The following KLHL3 variants were observed in gnomAD, a reference collection of about 807,000 sequenced individuals.
KLHL3 encodes kelch like family member 3.
KLHL3 carries 19 observed loss-of-function variants against 70.5 expected under a neutral mutation model. That is an observed-to-expected ratio of 0.27 (90% CI 0.19 to 0.40). The LOEUF (loss-of-function observed/expected upper bound fraction) is 0.40. Ranked by LOEUF, KLHL3 falls within the 10% of genes least tolerant of loss-of-function variation. KLHL3 has a pLI of 1.00. For synonymous variants in KLHL3, 258 were observed against 290.3 expected, an observed-to-expected ratio of 0.89 and a Z score of 1.13; for missense variants, 512 against 771.1, an observed-to-expected ratio of 0.66 and a Z score of 3.98.
chr5:137,638,504 A>C (rs955492384), intron 10 of KLHL3, among the ~76,000 whole-genome samples: 1 of 152,200 alleles, frequency 6.6e-6, no homozygotes. Flanking sequence ...AAAGCCTGGC[A>C]AAGCTTCAGT....
intron 10 of KLHL3, 34 bp downstream of exon 10, chr5:137,638,919 G>A (rs1187858227): frequency 6.3e-7 from 1 of 1,593,982 alleles, no homozygotes; most frequent in South Asian, 1.1e-5. Context: ...TGTGTCCCAG[G>A]CTAGGAGGGG....
At position 137,620,196 on chromosome 5, in the gene KLHL3, T is replaced by C. The variant is rs1328576662; in HGVS notation, c.*1902A>G. 9 of 152,264 alleles carry C rather than the reference T, an allele frequency of 5.9e-5. No individual in the cohort carries two copies. Among genetic ancestry groups the C allele is most frequent in the Non-Finnish European group, 1.2e-4 (8 of 68,052 alleles). 9.4% of individuals were successfully genotyped at this position (152,264 alleles called of 1,614,324 possible). On this transcript the variant is annotated 3_prime_UTR_variant, in exon 15 of 15. Transcript: ENST00000309755. ...TTCTTCCAGGTCCCCCAAAGCTGGA[T>C]ATTTTAGCCTCTTCTGAAGGCTTCT...
chr5:137,724,948 G>T, intron 1 of KLHL3: 1 of 584,652 alleles, frequency 1.7e-6, no homozygotes, highest in Non-Finnish European at 2.2e-6. Flanking sequence ...TATAGTGCAT[G>T]CATGTACATA....
rs1750251783 is a variant in KLHL3 at position 137,620,350 on chromosome 5, C to T, written c.*1748G>A. 1 of 152,212 alleles carries T rather than the reference C, an allele frequency of 6.6e-6. No homozygotes were observed. The highest frequency in any genetic ancestry group is 1.9e-4 in the East Asian group (1 of 5,204). 9.4% of individuals were successfully genotyped at this position (152,212 alleles called of 1,614,324 possible). ...GCACAATAAATATACAGTAAATACA[C>T]AAAGTGGCTCACTGGCTGGGAAGAC... On this transcript the variant is annotated 3_prime_UTR_variant, in exon 15 of 15. Coordinates refer to ENST00000309755, the MANE Select transcript of KLHL3 (RefSeq NM_017415.3).
At chr5:137,669,574 T>C (rs73790023) in intron 6 of KLHL3, among the ~76,000 whole-genome samples, 124 of 152,316 alleles carry the variant, frequency 8.1e-4, no homozygotes, top group African/African-American at 2.8e-3. Context: ...ACTTTCACTA[T>C]GAGTCCACAA....
chr5:137,702,344 A>G (rs1752588117), intron 3 of KLHL3, among the ~76,000 whole-genome samples: 1 of 152,230 alleles, frequency 6.6e-6, no homozygotes, highest in Admixed American at 6.5e-5. Flanking sequence ...TGGAGGAGTC[A>G]TAGTTATTCA....
chr5:137,676,823 T>C (rs903022763), intron 6 of KLHL3, among the ~76,000 whole-genome samples: 6 of 152,234 alleles, frequency 3.9e-5, no homozygotes, highest in Admixed American at 2.6e-4. Flanking sequence ...ATTTTCACTA[T>C]AGTAGACTAC....
intron 14 of KLHL3, among the ~76,000 whole-genome samples, chr5:137,624,581 G>A (rs1750407846): frequency 2.0e-5 from 3 of 152,214 alleles, no homozygotes; most frequent in Admixed American, 2.0e-4. Flanking sequence ...AATTTGCACA[G>A]CACAATCTTC....
intron 5 of KLHL3, among the ~76,000 whole-genome samples, chr5:137,685,406 A>G (rs1349051574): frequency 6.6e-6 from 1 of 152,252 alleles, no homozygotes; most frequent in African/African-American, 2.4e-5. Context: ...CAAGATTTGT[A>G]TTGTCAAACA....
At chr5:137,720,157 G>A (rs1289365635) in intron 2 of KLHL3, among the ~76,000 whole-genome samples, 1 of 152,058 alleles carries the variant, frequency 6.6e-6, no homozygotes, top group African/African-American at 2.4e-5. Context: ...AAAATTAGCT[G>A]GGCGTGGTGG....
At chr5:137,675,508 C>T (rs1283948723) in intron 6 of KLHL3, among the ~76,000 whole-genome samples, 2 of 152,114 alleles carry the variant, frequency 1.3e-5, no homozygotes, top group African/African-American at 4.8e-5. Context: ...CTCATGACAA[C>T]TCTATAGAGG....
chr5:137,621,834 C>T lies in KLHL3; in HGVS notation c.*264G>A, dbSNP rs1245553605. 3.6e-6 allele frequency: 2 copies of T among 552,700 alleles called. No individual in the cohort carries two copies. Among genetic ancestry groups the T allele is most frequent in the Non-Finnish European group, 6.5e-6 (2 of 307,998 alleles). 34.2% of individuals were successfully genotyped at this position (552,700 alleles called of 1,614,324 possible). On this transcript the variant is annotated 3_prime_UTR_variant, in exon 15 of 15. Coordinates refer to ENST00000309755, the MANE Select transcript of KLHL3 (RefSeq NM_017415.3). ...GGTCTGTATTGTCCCTGTAGAAACA[C>T]CAAAACAAAGCCCAAAGGTGCTGCC...
rs770959938 is a variant in KLHL3, at chr5:137,638,993, A to G, written c.1179T>C (p.Asn393=). ...RRSTLGAAVL[N]DLLYAVGGFD... is the part of the protein sequence containing the mutation. ...AGCCTCCCACTGCGTAGAGCAAGTC[A>G]TTGAGCACCGCTGCGCCCAGTGTGC... is the stretch of plus-strand genomic sequence containing the variant. The change falls in exon 10 of 15, where the codon AAT becomes AAC. Residue 393 remains asparagine (N), a synonymous_variant. Transcript: ENST00000309755. 2 of 1,614,226 alleles carry G rather than the reference A, an allele frequency of 1.2e-6. No individual in the cohort carries two copies. The highest frequency in any genetic ancestry group is 4.5e-5 in the East Asian group (2 of 44,882).
chr5:137,658,797 T>C (rs777463862), intron 7 of KLHL3, among the ~76,000 whole-genome samples: 1 of 152,174 alleles, frequency 6.6e-6, no homozygotes, highest in Non-Finnish European at 1.5e-5. Flanking sequence ...ATATTCGTTG[T>C]CTTATAGTGA....
At chr5:137,630,462 C>A (rs1750605681) in intron 12 of KLHL3, among the ~76,000 whole-genome samples, 1 of 152,088 alleles carries the variant, frequency 6.6e-6, no homozygotes, top group Non-Finnish European at 1.5e-5. Flanking sequence ...GTCTGCCCTC[C>A]AACTTCGTGC....
chr5:137,726,910 A>C (rs1753094033), intron 1 of KLHL3, among the ~76,000 whole-genome samples: 1 of 152,138 alleles, frequency 6.6e-6, no homozygotes, highest in African/African-American at 2.4e-5. Flanking sequence ...TAAAATATAC[A>C]TAAAATAGTA....
chr5:137,655,134 A>G (rs1751306014), intron 8 of KLHL3, among the ~76,000 whole-genome samples: 1 of 152,254 alleles, frequency 6.6e-6, no homozygotes, highest in African/African-American at 2.4e-5. Context: ...ATAGAGGATG[A>G]GAACCAATTT....
intron 5 of KLHL3, among the ~76,000 whole-genome samples, chr5:137,691,070 C>T (rs879794356): frequency 8.5e-5 from 13 of 152,176 alleles, no homozygotes; most frequent in Middle Eastern, 3.2e-3. Context: ...TTCATTTCTA[C>T]TCCCTCCCAA....
At chr5:137,649,440 C>A (rs1415225552) in intron 8 of KLHL3, among the ~76,000 whole-genome samples, 1 of 152,192 alleles carries the variant, frequency 6.6e-6, no homozygotes, top group African/African-American at 2.4e-5. Context: ...AAGAAACAGG[C>A]CTGCCAGCAA....
Sources: gnomAD v4.1 joint callset for allele counts (sites outside exome capture counted in the v4.1 genomes callset) on GRCh38, gnomAD v4.1.1 for gene constraint, MANE v1.5 for transcripts, NCBI Gene and HGNC (gene_info 2026-07-23, HGNC 2026-07-21) for gene names.